Variants in EXOC4 observed in about 807,000 individuals in gnomAD.
EXOC4 encodes the protein SEC8-like 1.
In EXOC4, 71 loss-of-function variants were observed where a neutral mutation model predicts 107.2. That is an observed-to-expected ratio of 0.66 (90% CI 0.55 to 0.81). EXOC4 has a LOEUF of 0.81. EXOC4 is among the 30% of genes least tolerant of loss of function. EXOC4 has a pLI of 0.00. For synonymous variants in EXOC4, 456 were observed against 441.2 expected (o/e 1.03, Z -0.42); for missense variants, 1,108 against 1,189.6 (o/e 0.93, Z 1.01).
At chr7:134,082,181 A>T in the EXOC4 span, among the ~76,000 whole-genome samples, 1 of 151,352 alleles carries the variant, frequency 6.6e-6, no homozygotes, top group Non-Finnish European at 1.5e-5. Context: ...CTGGTTGCCC[A>T]TTTTTTTTTT....
At chr7:133,268,613 C>T (rs997521066) in intron 1 of EXOC4, among the ~76,000 whole-genome samples, 23 of 152,078 alleles carry the variant, frequency 1.5e-4, no homozygotes, top group African/African-American at 3.4e-4. Flanking sequence ...AACATTTGAT[C>T]GTCTACACTG....
intron 9 of EXOC4, among the ~76,000 whole-genome samples, chr7:133,540,260 A>G (rs183131824): frequency 6.6e-6 from 1 of 152,242 alleles, no homozygotes; most frequent in Non-Finnish European, 1.5e-5. Flanking sequence ...GTGGTAAACC[A>G]CATACCATCT....
chr7:133,841,501 T>C (rs1198080418), intron 11 of EXOC4, among the ~76,000 whole-genome samples: 1 of 152,188 alleles, frequency 6.6e-6, no homozygotes, highest in Non-Finnish European at 1.5e-5. Context: ...CTTTTTCTGC[T>C]GCAGCTTTTT....
intron 5 of EXOC4, among the ~76,000 whole-genome samples, chr7:133,345,242 A>G (rs1442108573): frequency 6.6e-6 from 1 of 152,198 alleles, no homozygotes; most frequent in Non-Finnish European, 1.5e-5. Flanking sequence ...TGAAGAAATC[A>G]AGGTCCAGCA....
intron 9 of EXOC4, among the ~76,000 whole-genome samples, chr7:133,527,792 T>C (rs1025445455): frequency 2.0e-5 from 3 of 152,170 alleles, no homozygotes; most frequent in Non-Finnish European, 4.4e-5. Flanking sequence ...TCATCAGTAT[T>C]CCCAAATAAA....
At chr7:134,044,654 TCTC>T (rs1795602461) in intron 17 of EXOC4, among the ~76,000 whole-genome samples, 3 of 152,238 alleles carry the variant, frequency 2.0e-5, no homozygotes, top group East Asian at 3.9e-4. Flanking sequence ...ATGCAAGGCA[TCTC>T]CTCCTTCGCT....
the EXOC4 span, among the ~76,000 whole-genome samples, chr7:134,085,214 C>G: frequency 6.6e-6 from 1 of 151,966 alleles, no homozygotes. Context: ...TTTAATACAT[C>G]ATAACTGGTA....
intron 10 of EXOC4, among the ~76,000 whole-genome samples, chr7:133,683,152 C>T (rs1585076397): frequency 6.6e-6 from 1 of 152,114 alleles, no homozygotes; most frequent in Non-Finnish European, 1.5e-5. Context: ...TTCTCCTTCC[C>T]CTTGTGTTTA....
chr7:133,741,772 A>G (rs761993356), intron 10 of EXOC4, among the ~76,000 whole-genome samples: 2 of 152,298 alleles, frequency 1.3e-5, no homozygotes, highest in East Asian at 1.9e-4. Flanking sequence ...TGAAACCCAT[A>G]TTATGGATGA....
intron 15 of EXOC4, among the ~76,000 whole-genome samples, chr7:134,001,409 A>G (rs946030577): frequency 6.6e-6 from 1 of 152,206 alleles, no homozygotes; most frequent in Non-Finnish European, 1.5e-5. Context: ...ACAACAGGCC[A>G]GAATTTAAAT....
chr7:133,600,565 G>A (rs1801782713), intron 9 of EXOC4, among the ~76,000 whole-genome samples: 6 of 152,202 alleles, frequency 3.9e-5, no homozygotes, highest in Middle Eastern at 3.4e-3. Flanking sequence ...TTTCCAGAAC[G>A]CCAAATAATT....
intron 10 of EXOC4, among the ~76,000 whole-genome samples, chr7:133,685,639 A>G (rs1317010737): frequency 2.6e-5 from 4 of 152,222 alleles, no homozygotes; most frequent in African/African-American, 7.2e-5. Context: ...GAATAAAAAC[A>G]TAGTAAAAGT....
chr7:133,737,976 A>G (rs541251289), intron 10 of EXOC4, among the ~76,000 whole-genome samples: 106 of 123,122 alleles, frequency 8.6e-4, no homozygotes, highest in Non-Finnish European at 1.3e-3. Flanking sequence ...CAGTGGTGCA[A>G]TCTCATTTCA....
rs113819922 is a variant in EXOC4, at chr7:133,396,146, T to A, written c.1182+21144T>A. ...ATCCCAGATCTCCTGATTGAGAAAC[T>A]TGGAGGATGGAGCTCTGCAGTCTGT... On this transcript the variant is annotated intron_variant, in intron 7 of 17. Transcript: ENST00000253861. The A allele has an allele frequency of 2.1e-3, 318 of 152,266 alleles. 2 individuals are homozygous for A. Among genetic ancestry groups the A allele is most frequent in the African/African-American group, 7.3e-3 (304 of 41,554 alleles). The allele number at this position is 152,266 out of a possible 1,614,324, so 9.4% of individuals were successfully genotyped here. A position where few individuals can be genotyped will look rare whatever the true frequency, so the allele number is the denominator to read the frequency against.
chr7:134,095,874 A>G, the EXOC4 span, among the ~76,000 whole-genome samples: 1 of 152,258 alleles, frequency 6.6e-6, no homozygotes, highest in African/African-American at 2.4e-5. Flanking sequence ...CTAGAAGAAA[A>G]CCTAGGAAAC....
intron 7 of EXOC4, among the ~76,000 whole-genome samples, chr7:133,457,175 C>A (rs1045790862): frequency 5.3e-5 from 8 of 152,080 alleles, no homozygotes; most frequent in African/African-American, 1.9e-4. Flanking sequence ...TAGTAGGACT[C>A]AATGAATAAA....
intron 14 of EXOC4, among the ~76,000 whole-genome samples, chr7:133,969,942 A>G (rs1360004669): frequency 6.6e-6 from 1 of 152,316 alleles, no homozygotes; most frequent in South Asian, 2.1e-4. Context: ...CAATTTTCCC[A>G]CAGCTGCCCC....
intron 10 of EXOC4, among the ~76,000 whole-genome samples, chr7:133,793,394 G>A (rs1372101802): frequency 6.6e-6 from 1 of 152,044 alleles, no homozygotes; most frequent in East Asian, 1.9e-4. Context: ...TCATGGCGTC[G>A]GGCAGTTCAC....
At chr7:133,447,084 G>T (rs991922446) in intron 7 of EXOC4, among the ~76,000 whole-genome samples, 3 of 152,082 alleles carry the variant, frequency 2.0e-5, no homozygotes, top group Non-Finnish European at 4.4e-5. Flanking sequence ...AGTTTGCTTT[G>T]GCAGCTTTAG....
Sources: allele counts gnomAD v4.1 joint callset (sites outside exome capture counted in the v4.1 genomes callset), GRCh38; gene constraint gnomAD v4.1.1; transcripts MANE v1.5; gene names NCBI Gene and HGNC (gene_info 2026-07-23, HGNC 2026-07-21).